The following PCDHA7 variants were observed in gnomAD, a reference collection of about 807,000 sequenced individuals.
PCDHA7 encodes protocadherin alpha-7.
In PCDHA7, 37 loss-of-function variants were observed where a neutral mutation model predicts 57.2. The observed-to-expected ratio is 0.65, with a 90% confidence interval of 0.50 to 0.85. PCDHA7 has a LOEUF of 0.85. Ranked by LOEUF, PCDHA7 falls within the 40% of genes least tolerant of loss-of-function variation. The pLI is 0.00. For missense variants in PCDHA7, 1,188 were observed against 1,241.8 expected, an observed-to-expected ratio of 0.96 and a Z score of 0.65; for synonymous variants, 553 against 558.8, an observed-to-expected ratio of 0.99 and a Z score of 0.15.
In PCDHA7 at chr5:140,876,844, C is replaced by A. The variant is rs200154646; in HGVS notation, c.2355+40106C>A. ...CGACAATGCGCCTGCGTTCGCGCAGCCCGAGTACACAGTGTTCGTGAAGGA... is the reference window on the plus strand; with the variant it reads ...CGACAATGCGCCTGCGTTCGCGCAGACCGAGTACACAGTGTTCGTGAAGGA... On this transcript the variant is annotated intron_variant, in intron 1 of 3. Coordinates refer to ENST00000525929, the MANE Select transcript of PCDHA7 (RefSeq NM_018910.3). The A allele has an allele frequency of 3.6e-5, 58 of 1,614,134 alleles. No homozygotes were observed. In the East Asian group the frequency reaches 1.2e-3, roughly 32 times the overall value.
rs782537122 is a variant in PCDHA7 at position 140,875,892 on chromosome 5, A to G, written c.2355+39154A>G. On this transcript the variant is annotated intron_variant, in intron 1 of 3. Coordinates refer to ENST00000525929, the MANE Select transcript of PCDHA7 (RefSeq NM_018910.3). ...TGTTCAGAGAAAGGGAACAAAAGGTACCTGTTTCTGAATCTGCGCCTCTGG... is the reference window on the plus strand; with the variant it reads ...TGTTCAGAGAAAGGGAACAAAAGGTGCCTGTTTCTGAATCTGCGCCTCTGG... 9 of 1,614,044 alleles carry G rather than the reference A, an allele frequency of 5.6e-6. No homozygotes were observed. The African/African-American group carries it at 1.2e-4, about 22-fold the overall frequency.
At chr5:140,904,826 TTA>T (rs1554191735) in intron 1 of PCDHA7, among the ~76,000 whole-genome samples, 2 of 152,206 alleles carry the variant, frequency 1.3e-5, no homozygotes, top group South Asian at 4.1e-4. Context: ...GAGCATTTTT[TTA>T]TATGTTTCAT....
chr5:140,876,806 T>C (rs1554168956), intron 1 of PCDHA7: 2 of 1,613,976 alleles, frequency 1.2e-6, no homozygotes, highest in South Asian at 2.2e-5. Context: ...TCCGTGGAGG[T>C]GGCCGACGTG....
chr5:140,975,840 A>G (rs1387222678), intron 1 of PCDHA7, among the ~76,000 whole-genome samples: 2 of 152,202 alleles, frequency 1.3e-5, no homozygotes, highest in African/African-American at 2.4e-5. Context: ...CTTATTCTTC[A>G]GTAATACTAC....
At chr5:141,003,676 C>T (rs2098133802) in intron 3 of PCDHA7, among the ~76,000 whole-genome samples, 2 of 152,124 alleles carry the variant, frequency 1.3e-5, no homozygotes, top group East Asian at 1.9e-4. Context: ...ATATGTTGTT[C>T]TGATTTTAAA....
intron 1 of PCDHA7, chr5:140,841,776 T>C (rs2150322536): frequency 6.2e-7 from 1 of 1,613,906 alleles, no homozygotes; most frequent in Admixed American, 1.7e-5. Flanking sequence ...GACTCTCGGT[T>C]TCCGCTAGAG....
intron 1 of PCDHA7, chr5:140,875,502 A>G (rs201298546): frequency 1.7e-5 from 28 of 1,613,494 alleles, no homozygotes; most frequent in Non-Finnish European, 2.3e-5. Context: ...GAGGCCCGGG[A>G]TCCCAGCGTC....
chr5:141,008,594 C>A (rs1018305560), intron 3 of PCDHA7, among the ~76,000 whole-genome samples: 1 of 152,214 alleles, frequency 6.6e-6, no homozygotes, highest in African/African-American at 2.4e-5. Context: ...GCAGATTTCA[C>A]CTCCTCTGGA....
At chr5:140,909,634 T>G (rs2074616296) in intron 1 of PCDHA7, among the ~76,000 whole-genome samples, 1 of 152,176 alleles carries the variant, frequency 6.6e-6, no homozygotes, top group Non-Finnish European at 1.5e-5. Flanking sequence ...GTCTTCCTAT[T>G]TTGTCTTTTC....
intron 1 of PCDHA7, chr5:140,861,826 A>T (rs1350185354): frequency 1.9e-5 from 3 of 159,376 alleles, no homozygotes; most frequent in African/African-American, 7.2e-5. Flanking sequence ...CAGATAGGTA[A>T]GTCACTTCAG....
rs112458290 is a variant in PCDHA7, at chr5:140,842,855, A to G, written c.2355+6117A>G. 3.5e-3 allele frequency: 5,603 copies of G among 1,593,762 alleles called. 526 individuals carry two copies. The African/African-American group carries it at 0.06, about 17-fold the overall frequency. On this transcript the variant is annotated intron_variant, in intron 1 of 3. Coordinates refer to ENST00000525929, the MANE Select transcript of PCDHA7 (RefSeq NM_018910.3). ...GCTGTCGAGCTACATTTCGGTGCACACGGAGAGCGGCAAGGTGTACGCGCT... is the reference window on the plus strand; with the variant it reads ...GCTGTCGAGCTACATTTCGGTGCACGCGGAGAGCGGCAAGGTGTACGCGCT...
chr5:140,846,853 G>A (rs1277401160), intron 1 of PCDHA7, among the ~76,000 whole-genome samples: 1 of 149,686 alleles, frequency 6.7e-6, no homozygotes, highest in East Asian at 1.9e-4. Flanking sequence ...TGCAAGGCAA[G>A]ATAATGTAAC....
chr5:140,981,232 T>G (rs768766953), intron 2 of PCDHA7, among the ~76,000 whole-genome samples: 32 of 152,216 alleles, frequency 2.1e-4, no homozygotes, highest in Non-Finnish European at 4.3e-4. Context: ...GTAGTCTAAA[T>G]TTTATTTTAG....
chr5:140,876,685 T>C, intron 1 of PCDHA7: 1 of 1,614,216 alleles, frequency 6.2e-7, no homozygotes, highest in Non-Finnish European at 8.5e-7. Flanking sequence ...CAAGAATTAC[T>C]ACTCGTTGGT....
chr5:140,944,242 C>T (rs969404044), intron 1 of PCDHA7, among the ~76,000 whole-genome samples: 1 of 152,172 alleles, frequency 6.6e-6, no homozygotes, highest in African/African-American at 2.4e-5. Flanking sequence ...GGCTGGAGTG[C>T]AGTGATGTGA....
At chr5:140,987,643 A>G (rs1205279586) in intron 3 of PCDHA7, among the ~76,000 whole-genome samples, 1 of 152,232 alleles carries the variant, frequency 6.6e-6, no homozygotes, top group Non-Finnish European at 1.5e-5. Context: ...ATGCACACAT[A>G]TTGCAGAATC....
At chr5:140,968,612 C>A (rs782101758) in intron 1 of PCDHA7, 2 of 1,614,204 alleles carry the variant, frequency 1.2e-6, no homozygotes, top group East Asian at 2.2e-5. Flanking sequence ...AGACTCTGGG[C>A]AAAATGCTTG....
intron 1 of PCDHA7, among the ~76,000 whole-genome samples, chr5:140,945,280 A>G (rs1482777954): frequency 6.6e-6 from 1 of 152,146 alleles, no homozygotes; most frequent in Non-Finnish European, 1.5e-5. Flanking sequence ...ACTTTAAAAC[A>G]TTGATGAAAG....
chr5:140,983,113 A>G (rs2097027812), intron 3 of PCDHA7, among the ~76,000 whole-genome samples: 2 of 152,254 alleles, frequency 1.3e-5, no homozygotes, highest in Admixed American at 6.5e-5. Context: ...CTGCACATCA[A>G]CAACATTCTG....
Sources: allele counts gnomAD v4.1 joint callset (sites outside exome capture counted in the v4.1 genomes callset), GRCh38; gene constraint gnomAD v4.1.1; transcripts MANE v1.5; gene names NCBI Gene and HGNC (gene_info 2026-07-23, HGNC 2026-07-21).